MME: variants seen among roughly 807,000 people sequenced by gnomAD.
The protein encoded by MME is neprilysin.
MME carries 98 observed loss-of-function variants against 113.2 expected under a neutral mutation model. The ratio of observed to expected loss-of-function variants is 0.87; its 90% confidence interval spans 0.74 to 1.02. The LOEUF is 1.02. Ranked by LOEUF, MME falls within the 50% of genes least tolerant of loss-of-function variation. The pLI is 0.00. For synonymous variants in MME, 292 were observed against 300.6 expected (o/e 0.97, Z 0.30); for missense variants, 836 against 896.0 (o/e 0.93, Z 0.86).
At chr3:155,117,836 A>T (rs1360640048) in intron 7 of MME, among the ~76,000 whole-genome samples, 1 of 152,024 alleles carries the variant, frequency 6.6e-6, no homozygotes, top group Non-Finnish European at 1.5e-5. Flanking sequence ...CTTCATGTGG[A>T]GATATCTTCT....
chr3:155,052,388 C>T (rs1713793012), intron 1 of MME, among the ~76,000 whole-genome samples: 1 of 152,212 alleles, frequency 6.6e-6, no homozygotes, highest in Non-Finnish European at 1.5e-5. Flanking sequence ...TCTCCATGTG[C>T]ACACCTCTGC....
intron 16 of MME, among the ~76,000 whole-genome samples, chr3:155,156,322 C>G (rs1722304698): frequency 6.6e-6 from 1 of 152,062 alleles, no homozygotes; most frequent in Non-Finnish European, 1.5e-5. Flanking sequence ...TAGAACATAA[C>G]TTAGGTGCTC....
intron 16 of MME, among the ~76,000 whole-genome samples, chr3:155,151,095 T>G (rs2108330774): frequency 6.6e-6 from 1 of 152,194 alleles, no homozygotes; most frequent in Non-Finnish European, 1.5e-5. Context: ...TGTAATAAAG[T>G]CATTACTCTT....
rs113658060 is a variant in MME, at chr3:155,058,067, C to T, written c.-10-26091C>T. On this transcript the variant is annotated intron_variant, in intron 1 of 22. Coordinates refer to the MME transcript ENST00000492661. ...AAAAGCTACTATATATTCGAAGGTA[C>T]ACCAGTAGAGAGTCTACACAAAAAC... 8.7e-4 allele frequency among the ~76,000 whole-genome samples: 133 copies of T among 152,132 alleles called. 1 individual carries two copies. The highest frequency in any genetic ancestry group is 3.0e-3 in the African/African-American group (126 of 41,506).
chr3:155,056,315 C>G (rs1219407433), intron 1 of MME, among the ~76,000 whole-genome samples: 1 of 150,028 alleles, frequency 6.7e-6, no homozygotes, highest in Non-Finnish European at 1.5e-5. Flanking sequence ...TCTCCTAAAG[C>G]TATCCCTCCC....
upstream of MME, among the ~76,000 whole-genome samples, chr3:155,075,113 T>A (rs1316453672): frequency 6.6e-6 from 1 of 151,974 alleles, no homozygotes; most frequent in Non-Finnish European, 1.5e-5. Context: ...TTATTTTTTG[T>A]AGTATTTACT....
Position 155,038,830 on chromosome 3 carries a change from T to C in MME, c.-11+14506T>C, listed in dbSNP as rs1045063361. ...CCCTTTTCACTTAAAGGTAGCACTT[T>C]ACGGCCTCTCTTTTGAATATCTGGG... On this transcript the variant is annotated intron_variant, in intron 1 of 22. Coordinates refer to the MME transcript ENST00000492661. Among the ~76,000 whole-genome samples, 5 of 152,188 alleles carry C rather than the reference T, an allele frequency of 3.3e-5. No homozygotes were observed. The East Asian group carries it at 9.6e-4, about 29-fold the overall frequency.
intron 9 of MME, among the ~76,000 whole-genome samples, chr3:155,139,231 T>C (rs1424004255): frequency 1.3e-5 from 2 of 152,110 alleles, no homozygotes; most frequent in Non-Finnish European, 1.5e-5. Flanking sequence ...TCCCAGACCA[T>C]GCGCTCCTTT....
chr3:155,147,705 CAG>C (rs141518018), intron 15 of MME, among the ~76,000 whole-genome samples: 3,177 of 152,286 alleles, frequency 0.021, 66 homozygotes, highest in East Asian at 0.11. Flanking sequence ...GTTAAAAGAG[CAG>C]AGAGTTGCTT....
chr3:155,154,862 T>C (rs966820454), intron 16 of MME, among the ~76,000 whole-genome samples: 4 of 152,182 alleles, frequency 2.6e-5, no homozygotes, highest in Non-Finnish European at 5.9e-5. Flanking sequence ...TCCATAAATG[T>C]AGACGGAGAT....
chr3:155,088,683 CA>C lies in MME; in HGVS notation c.196+3605del, dbSNP rs59288472. On this transcript the variant is annotated intron_variant, in intron 3 of 22. Transcript: ENST00000360490. ...GGGCAACAAGACTGAAACTCCATCTCAAAAAAAAAAAAAAAAGAAAAGAAAG... is the reference window on the plus strand; with the variant it reads ...GGGCAACAAGACTGAAACTCCATCTCAAAAAAAAAAAAAAAGAAAAGAAAG... Among the ~76,000 whole-genome samples, 235 of 86,656 alleles carry C rather than the reference CA, an allele frequency of 2.7e-3. 1 individual carries two copies. The highest frequency in any genetic ancestry group is 3.6e-3 in the African/African-American group (76 of 21,334). 56.8% of individuals were successfully genotyped at this position (86,656 alleles called of 152,430 possible). A position where few individuals can be genotyped will look rare whatever the true frequency, so the allele number is the denominator to read the frequency against.
intron 1 of MME, among the ~76,000 whole-genome samples, chr3:155,033,719 G>A (rs2108115275): frequency 6.6e-6 from 1 of 152,044 alleles, no homozygotes; most frequent in Middle Eastern, 3.4e-3. Context: ...ATAAGAAAAT[G>A]CATCCACCAA....
intron 22 of MME, among the ~76,000 whole-genome samples, 198 bp from the exon 23 acceptor site, chr3:155,180,162 C>T (rs1712941574): frequency 6.6e-6 from 1 of 152,204 alleles, no homozygotes; most frequent in Non-Finnish European, 1.5e-5. Flanking sequence ...TTGCTTTTAA[C>T]TCCTGTTCTT....
chr3:155,160,974 G>A (rs571282590), intron 17 of MME, among the ~76,000 whole-genome samples: 12 of 152,010 alleles, frequency 7.9e-5, no homozygotes, highest in African/African-American at 1.7e-4. Flanking sequence ...CGATTGAATC[G>A]TATGAAATTG....
intron 13 of MME, 47 bp from the exon 14 acceptor site, chr3:155,144,312 C>T (rs980208962): frequency 3.2e-6 from 4 of 1,269,608 alleles, no homozygotes; most frequent in South Asian, 2.4e-5. Flanking sequence ...ATCTGTGTTA[C>T]AAAGAATGAA....
chr3:155,097,727 G>A lies in MME; in HGVS notation c.196+12633G>A, dbSNP rs185940177. Among the ~76,000 whole-genome samples, 13 of 152,254 alleles carry A rather than the reference G, an allele frequency of 8.5e-5. No homozygotes were observed. The East Asian group carries it at 2.5e-3, about 29-fold the overall frequency. On this transcript the variant is annotated intron_variant, in intron 3 of 22. Transcript: ENST00000360490. Reference sequence around the variant, plus strand: ...GCTAGGAGGGACAGGAAGTTGAATGGGTCATCATCCAGTTGCCTTTGTGAA... The same window carrying A: ...GCTAGGAGGGACAGGAAGTTGAATGAGTCATCATCCAGTTGCCTTTGTGAA...
intron 8 of MME, among the ~76,000 whole-genome samples, chr3:155,129,996 G>C (rs1042161826): frequency 4.6e-5 from 7 of 152,124 alleles, no homozygotes; most frequent in Admixed American, 3.9e-4. Context: ...CTCTGTATTG[G>C]GGGTGAATTG....
chr3:155,109,163 T>C (rs1717952237), intron 3 of MME, among the ~76,000 whole-genome samples: 1 of 151,868 alleles, frequency 6.6e-6, no homozygotes, highest in African/African-American at 2.4e-5. Flanking sequence ...TTATAATCAC[T>C]CCAAAACCAG....
At chr3:155,028,416 C>T (rs1459842434) in intron 1 of MME, among the ~76,000 whole-genome samples, 2 of 152,100 alleles carry the variant, frequency 1.3e-5, no homozygotes, top group Non-Finnish European at 2.9e-5. Flanking sequence ...TAGGGTAAAG[C>T]CTAAGGACAG....
Sources: allele counts gnomAD v4.1 joint callset (sites outside exome capture counted in the v4.1 genomes callset), GRCh38; gene constraint gnomAD v4.1.1; transcripts MANE v1.5; gene names NCBI Gene and HGNC (gene_info 2026-07-23, HGNC 2026-07-21).